CNTNAP2: variants seen among roughly 807,000 people sequenced by gnomAD.
The protein encoded by CNTNAP2 is contactin associated protein 2.
CNTNAP2 carries 98 observed loss-of-function variants against 155.2 expected under a neutral mutation model. That is an observed-to-expected ratio of 0.63 (90% confidence interval 0.54 to 0.75). The LOEUF is 0.75. Among genes scored for constraint, CNTNAP2 ranks in the 30% least tolerant of loss-of-function variants. The pLI is 0.00. For synonymous variants in CNTNAP2, 651 were observed against 631.2 expected (o/e 1.03, Z -0.47); for missense variants, 1,727 against 1,688.1 (o/e 1.02, Z -0.40).
chr7:147,934,073 G>C (rs1480946787), intron 14 of CNTNAP2, among the ~76,000 whole-genome samples: 1 of 152,160 alleles, frequency 6.6e-6, no homozygotes, highest in African/African-American at 2.4e-5. Context: ...GGAATACGGG[G>C]ACTTGCTATT....
intron 1 of CNTNAP2, among the ~76,000 whole-genome samples, chr7:146,686,747 GACTT>G (rs755468757): frequency 8.5e-5 from 13 of 152,140 alleles, no homozygotes; most frequent in African/African-American, 2.4e-4. Context: ...AACATTACTT[GACTT>G]ACTTAATTCT....
intron 1 of CNTNAP2, among the ~76,000 whole-genome samples, chr7:146,638,486 T>C (rs1799644869): frequency 8.6e-6 from 1 of 115,896 alleles, no homozygotes; most frequent in Non-Finnish European, 1.8e-5. Flanking sequence ...CTTTTTTTTT[T>C]TTTTTTTTTT....
intron 13 of CNTNAP2, chr7:147,643,608 A>G (rs1404157716): frequency 6.6e-6 from 1 of 152,174 alleles, no homozygotes; most frequent in Non-Finnish European, 1.5e-5. Flanking sequence ...ATTCTTAACT[A>G]AGACTGAAAT....
chr7:146,827,612 A>T (rs2129197823), intron 2 of CNTNAP2, among the ~76,000 whole-genome samples: 1 of 152,156 alleles, frequency 6.6e-6, no homozygotes, highest in Non-Finnish European at 1.5e-5. Flanking sequence ...ATGCCTAATT[A>T]ACTATGCTAT....
intron 15 of CNTNAP2, among the ~76,000 whole-genome samples, chr7:148,096,641 C>G (rs1395757483): frequency 6.6e-6 from 1 of 152,066 alleles, no homozygotes; most frequent in Admixed American, 6.6e-5. Flanking sequence ...AAGGTCAGGG[C>G]TGCAAGAGAC....
chr7:148,062,011 T>TGAGAGAGAGAG (rs1554468163), intron 15 of CNTNAP2, among the ~76,000 whole-genome samples: 1 of 84,182 alleles, frequency 1.2e-5, no homozygotes, highest in African/African-American at 4.8e-5. Context: ...AGATAGATGA[T>TGAGAGAGAGAG]AGAGAGAGAG....
intron 1 of CNTNAP2, among the ~76,000 whole-genome samples, chr7:146,302,716 CAT>C (rs1346346677): frequency 6.6e-6 from 1 of 152,080 alleles, no homozygotes; most frequent in African/African-American, 2.4e-5. Context: ...TGGGTCAAAC[CAT>C]ACAATTCCAG....
intron 13 of CNTNAP2, among the ~76,000 whole-genome samples, chr7:147,824,717 TC>T (rs1798420930): frequency 6.9e-6 from 1 of 145,232 alleles, no homozygotes; most frequent in South Asian, 2.3e-4. Context: ...AAAAAAACCC[TC>T]TTTTACCAGC....
rs948880863 is a variant in CNTNAP2 at position 147,441,842 on chromosome 7, T to C, written c.1671-44093T>C. The stretch of plus-strand genomic sequence containing the variant: ...CTCTCTCTCTCTCTCTCTCTCTCTC[T>C]CTCTCTCTCCCTCCCTCCCTCCCTC... On this transcript the variant is annotated intron_variant, in intron 10 of 23. Transcript: ENST00000361727. 1.8e-3 allele frequency among the ~76,000 whole-genome samples: 204 copies of C among 114,540 alleles called. 2 individuals carry two copies. Among genetic ancestry groups the C allele is most frequent in the African/African-American group, 5.3e-3 (172 of 32,250 alleles). 75.1% of individuals were successfully genotyped at this position (114,540 alleles called of 152,430 possible).
chr7:146,279,304 CAA>C (rs1800212161), intron 1 of CNTNAP2, among the ~76,000 whole-genome samples: 1 of 151,814 alleles, frequency 6.6e-6, no homozygotes, highest in Non-Finnish European at 1.5e-5. Context: ...TTTGTTAAAA[CAA>C]AGTTATGCAT....
intron 13 of CNTNAP2, among the ~76,000 whole-genome samples, chr7:147,779,841 T>A (rs777107212): frequency 1.3e-5 from 2 of 152,208 alleles, no homozygotes; most frequent in Non-Finnish European, 2.9e-5. Context: ...ATAGGAATTT[T>A]AAAAAGTGAG....
At chr7:146,182,485 A>C (rs922346228) in intron 1 of CNTNAP2, among the ~76,000 whole-genome samples, 2 of 152,174 alleles carry the variant, frequency 1.3e-5, no homozygotes, top group African/African-American at 2.4e-5. Flanking sequence ...ACACTTCCCC[A>C]AGAATACATA....
At chr7:147,463,994 A>G (rs1245974454) in intron 10 of CNTNAP2, among the ~76,000 whole-genome samples, 1 of 148,990 alleles carries the variant, frequency 6.7e-6, no homozygotes, top group African/African-American at 2.5e-5. Flanking sequence ...CTAGAGCCAG[A>G]CATTAGAGAG....
At chr7:146,935,849 A>C (rs754794311) in intron 3 of CNTNAP2, among the ~76,000 whole-genome samples, 17 of 152,102 alleles carry the variant, frequency 1.1e-4, no homozygotes, top group Non-Finnish European at 1.9e-4. Context: ...GATCTATTTG[A>C]TTTTAAGTGA....
intron 10 of CNTNAP2, among the ~76,000 whole-genome samples, chr7:147,455,159 G>A (rs978883964): frequency 9.2e-5 from 14 of 152,022 alleles, no homozygotes; most frequent in African/African-American, 3.4e-4. Flanking sequence ...TATTGAAGAA[G>A]TAGACTTGAT....
intron 1 of CNTNAP2, among the ~76,000 whole-genome samples, chr7:146,455,174 A>G (rs1159421575): frequency 6.6e-6 from 1 of 152,210 alleles, no homozygotes; most frequent in Non-Finnish European, 1.5e-5. Context: ...TAGGCATGCA[A>G]CATTGCCCTA....
chr7:146,992,706 ATT>A (rs57583226), intron 3 of CNTNAP2, among the ~76,000 whole-genome samples: 1 of 150,716 alleles, frequency 6.6e-6, no homozygotes, highest in African/African-American at 2.4e-5. Context: ...TCATACTAAG[ATT>A]TTTTTTTTCT....
At chr7:148,001,357 C>T (rs576850600) in intron 15 of CNTNAP2, among the ~76,000 whole-genome samples, 3 of 152,200 alleles carry the variant, frequency 2.0e-5, no homozygotes, top group South Asian at 2.1e-4. Flanking sequence ...TACACTGCGT[C>T]GAACAGATTT....
intron 1 of CNTNAP2, among the ~76,000 whole-genome samples, chr7:146,564,986 T>G (rs1798335497): frequency 6.6e-6 from 1 of 152,100 alleles, no homozygotes; most frequent in Non-Finnish European, 1.5e-5. Flanking sequence ...AAGCCTAAAC[T>G]TAGGTCTTCT....
Sources: gnomAD v4.1 joint callset for allele counts (sites outside exome capture counted in the v4.1 genomes callset) on GRCh38, gnomAD v4.1.1 for gene constraint, MANE v1.5 for transcripts, NCBI Gene and HGNC (gene_info 2026-07-23, HGNC 2026-07-21) for gene names.